The following SHROOM3 variants were observed in gnomAD, a reference collection of about 807,000 sequenced individuals.
SHROOM3 encodes the protein shroom family member 3, also known as protein Shroom3.
Under a neutral mutation model 138.6 loss-of-function variants are expected in SHROOM3, and 47 were observed. The observed-to-expected ratio is 0.34, with a 90% CI of 0.27 to 0.43. SHROOM3 has a LOEUF of 0.43. SHROOM3 is among the 20% of genes least tolerant of loss of function. SHROOM3 has a pLI of 1.00. For synonymous variants in SHROOM3, 1,062 were observed against 1,063.3 expected (o/e 1.00, Z 0.02); for missense variants, 2,491 against 2,596.5 (o/e 0.96, Z 0.88).
At chr4:76,504,428 G>A (rs1231188450) in intron 1 of SHROOM3, among the ~76,000 whole-genome samples, 1 of 152,168 alleles carries the variant, frequency 6.6e-6, no homozygotes, top group African/African-American at 2.4e-5. Flanking sequence ...CAAAGTGCTG[G>A]AATTACAGGC....
At chr4:76,487,537 C>T (rs1216262517) in intron 1 of SHROOM3, among the ~76,000 whole-genome samples, 1 of 152,088 alleles carries the variant, frequency 6.6e-6, no homozygotes, top group Non-Finnish European at 1.5e-5. Flanking sequence ...TATTTAAAGT[C>T]ATCTTATTAA....
At position 76,741,603 on chromosome 4, in the gene SHROOM3, G is replaced by A. The variant is rs1359393257; in HGVS notation, c.3430G>A (p.Glu1144Lys). The A allele has an allele frequency of 2.6e-6, 4 of 1,539,720 alleles. No individual in the cohort carries two copies. The highest frequency in any genetic ancestry group is 1.9e-5 in the Admixed American group (1 of 51,624). Residue 1144 changes from glutamate (E) to lysine (K), a missense_variant, in exon 5 of 11, where the codon GAG becomes AAG. Physicochemically the swap from Glu to Lys is moderately conservative, Grantham distance 56. Transcript: ENST00000296043. This position sits in a 1 kb window ranked among gnomAD's most constrained non-coding sequence, Gnocchi z 6.2. Reference protein sequence around the residue: ...ASASSLSSLREPSLQPRREAT... With the variant: ...ASASSLSSLRKPSLQPRREAT... ...GGCCTCCAGCTTGAGCTCACTGCGGGAGCCCAGCCTGCAGCCCCGCAGGGA... is the reference window on the plus strand; with the variant it reads ...GGCCTCCAGCTTGAGCTCACTGCGGAAGCCCAGCCTGCAGCCCCGCAGGGA...
At chr4:76,449,504 C>G (rs1730880522) in intron 1 of SHROOM3, among the ~76,000 whole-genome samples, 1 of 152,198 alleles carries the variant, frequency 6.6e-6, no homozygotes, top group South Asian at 2.1e-4. Context: ...CCTTGAATAA[C>G]TTGTACCTCT....
chr4:76,508,651 C>G (rs974643820), intron 1 of SHROOM3, among the ~76,000 whole-genome samples: 1 of 152,180 alleles, frequency 6.6e-6, no homozygotes, highest in African/African-American at 2.4e-5. Context: ...ATATTGCCAT[C>G]TTAACAATAT....
At chr4:76,716,706 T>TA (rs1169251593) in intron 3 of SHROOM3, among the ~76,000 whole-genome samples, 1 of 152,244 alleles carries the variant, frequency 6.6e-6, no homozygotes, top group Non-Finnish European at 1.5e-5. Flanking sequence ...ACTGGCTTTT[T>TA]ATCCCATTCA....
At chr4:76,535,164 A>C (rs1449756552) in intron 1 of SHROOM3, among the ~76,000 whole-genome samples, 1 of 152,120 alleles carries the variant, frequency 6.6e-6, no homozygotes, top group African/African-American at 2.4e-5. Context: ...TTTCAACTAG[A>C]CTATAAGAGA....
At chr4:76,731,742 C>T (rs1720890411) in intron 4 of SHROOM3, among the ~76,000 whole-genome samples, 1 of 151,424 alleles carries the variant, frequency 6.6e-6, no homozygotes, top group South Asian at 2.1e-4. Context: ...GATCACGCCA[C>T]TGCACTCCAA....
At chr4:76,631,203 C>CTTTTTTTTTTTT (rs71212436) in intron 2 of SHROOM3, among the ~76,000 whole-genome samples, 3 of 104,192 alleles carry the variant, frequency 2.9e-5, no homozygotes, top group African/African-American at 8.0e-5. Flanking sequence ...TTTTTTTAAT[C>CTTTTTTTTTTTT]TTTTTTTTTT....
At chr4:76,754,038 A>T (rs1721719433) in intron 6 of SHROOM3, among the ~76,000 whole-genome samples, 1 of 152,042 alleles carries the variant, frequency 6.6e-6, no homozygotes, top group Non-Finnish European at 1.5e-5. Context: ...TGTGTACAGG[A>T]TGTGGGGGCG....
intron 5 of SHROOM3, among the ~76,000 whole-genome samples, chr4:76,747,295 A>T (rs186934588): frequency 6.6e-6 from 1 of 152,040 alleles, no homozygotes; most frequent in Non-Finnish European, 1.5e-5. Flanking sequence ...ACTTCTTACC[A>T]ATTTATAGAA....
At chr4:76,745,811 T>C (rs1050317032) in intron 5 of SHROOM3, among the ~76,000 whole-genome samples, 4 of 152,012 alleles carry the variant, frequency 2.6e-5, no homozygotes, top group African/African-American at 7.3e-5. Flanking sequence ...CAAAAACCCA[T>C]CTCTACTAAA....
intron 9 of SHROOM3, among the ~76,000 whole-genome samples, chr4:76,763,883 G>A (rs1722066386): frequency 6.6e-6 from 1 of 152,130 alleles, no homozygotes; most frequent in Admixed American, 6.5e-5. Flanking sequence ...TCAGCAAAAT[G>A]CAGTTTTCTT....
rs531997510 is a variant in SHROOM3 at position 76,635,450 on chromosome 4, A to C, written c.324-74706A>C. 2.0e-5 allele frequency among the ~76,000 whole-genome samples: 3 copies of C among 152,212 alleles called. No individual in the cohort carries two copies. In the East Asian group the frequency reaches 5.8e-4, roughly 29 times the overall value. ...CAAAAAACAGTGTCTTCTAATTCCA[A>C]CTCGTTTCCCCTTGAGTTCCTAATG... On this transcript the variant is annotated intron_variant, in intron 2 of 10. Transcript: ENST00000296043.
chr4:76,693,448 A>G (rs1035652004), intron 2 of SHROOM3, among the ~76,000 whole-genome samples: 34 of 142,482 alleles, frequency 2.4e-4, no homozygotes, highest in South Asian at 6.7e-4. Flanking sequence ...CAGTGGCACA[A>G]TCTTGGCTCA....
rs1721253356 is a variant in SHROOM3 at position 76,741,458 on chromosome 4, C to A, written c.3285C>A (p.Gly1095=). 1 of 1,575,310 alleles carries A rather than the reference C, an allele frequency of 6.3e-7. No individual in the cohort carries two copies. Among genetic ancestry groups the A allele is most frequent in the Non-Finnish European group, 8.6e-7 (1 of 1,163,256 alleles). Residue 1095 remains glycine (G), a synonymous_variant, in exon 5 of 11, where the codon GGC becomes GGA. Coordinates refer to ENST00000296043, the MANE Select transcript of SHROOM3 (RefSeq NM_020859.4). This position sits in a 1 kb window ranked among gnomAD's most constrained non-coding sequence, Gnocchi z 6.2. The part of the protein sequence containing the change: ...ALADYIQRKT[G]KRPTSAAGCS... The stretch of plus-strand genomic sequence containing the variant: ...CGGACTACATCCAGCGCAAGACCGG[C>A]AAGCGGCCTACCTCCGCCGCCGGCT...
At chr4:76,729,714 G>A (rs1284728360) in intron 3 of SHROOM3, among the ~76,000 whole-genome samples, 2 of 152,238 alleles carry the variant, frequency 1.3e-5, no homozygotes, top group African/African-American at 4.8e-5. Context: ...GTCAGGGCAA[G>A]AGCCCAGGTC....
chr4:76,635,531 T>G (rs1470186061), intron 2 of SHROOM3, among the ~76,000 whole-genome samples: 1 of 152,198 alleles, frequency 6.6e-6, no homozygotes, highest in Non-Finnish European at 1.5e-5. Context: ...AGACCTACCA[T>G]TCAGGTTGTA....
chr4:76,508,671 C>T (rs1376803801), intron 1 of SHROOM3, among the ~76,000 whole-genome samples: 3 of 152,150 alleles, frequency 2.0e-5, no homozygotes, highest in African/African-American at 7.2e-5. Flanking sequence ...TAAAGCCTTC[C>T]AATCAATGAA....
chr4:76,589,479 A>AAAG (rs1292638011), intron 2 of SHROOM3, among the ~76,000 whole-genome samples: 7 of 151,848 alleles, frequency 4.6e-5, no homozygotes, highest in Admixed American at 6.6e-5. Context: ...TAAAAAAAAA[A>AAAG]AAAAGAAAAA....
Sources: allele counts gnomAD v4.1 joint callset (sites outside exome capture counted in the v4.1 genomes callset), GRCh38; gene constraint gnomAD v4.1.1; non-coding constraint Gnocchi (gnomAD v3.1); transcripts MANE v1.5; gene names NCBI Gene and HGNC (gene_info 2026-07-23, HGNC 2026-07-21).